NME7: variants seen among roughly 807,000 people sequenced by gnomAD.
The protein encoded by NME7 is nucleoside diphosphate kinase 7.
In NME7, 41 loss-of-function variants were observed where a neutral mutation model predicts 49.1. The observed-to-expected ratio is 0.83, with a 90% CI of 0.65 to 1.08. The LOEUF (loss-of-function observed/expected upper bound fraction) is 1.08. Ranked by LOEUF, NME7 falls within the 50% of genes least tolerant of loss-of-function variation. The probability of loss-of-function intolerance (pLI) is 0.00; values close to 1 mark genes in which losing one functional copy is unlikely to be tolerated. For synonymous variants in NME7, 139 were observed against 150.6 expected, an observed-to-expected ratio of 0.92 and a Z score of 0.56; for missense variants, 423 against 463.4, an observed-to-expected ratio of 0.91 and a Z score of 0.80.
At chr1:169,135,285 G>A (rs964309720) in intron 11 of NME7, among the ~76,000 whole-genome samples, 1 of 152,134 alleles carries the variant, frequency 6.6e-6, no homozygotes, top group Non-Finnish European at 1.5e-5. Flanking sequence ...AGAGGGAACT[G>A]CTCCAACTCC....
intron 9 of NME7, among the ~76,000 whole-genome samples, chr1:169,232,113 A>C (rs1434437794): frequency 1.3e-5 from 2 of 152,226 alleles, no homozygotes; most frequent in Non-Finnish European, 2.9e-5. Context: ...CTTGGTGAGG[A>C]GAAAATAAAA....
At chr1:169,254,367 T>G (rs979854579) in intron 7 of NME7, among the ~76,000 whole-genome samples, 2 of 152,054 alleles carry the variant, frequency 1.3e-5, no homozygotes, top group African/African-American at 4.8e-5. Context: ...GTTTGTAGTA[T>G]TCTCTGATGG....
intron 6 of NME7, among the ~76,000 whole-genome samples, chr1:169,297,365 C>G (rs1650752399): frequency 6.6e-6 from 1 of 152,142 alleles, no homozygotes; most frequent in Non-Finnish European, 1.5e-5. Flanking sequence ...TAAAATGGCT[C>G]TCTATTTTTT....
At chr1:169,139,966 T>G (rs1430451184) in intron 11 of NME7, among the ~76,000 whole-genome samples, 1 of 152,222 alleles carries the variant, frequency 6.6e-6, no homozygotes, top group Non-Finnish European at 1.5e-5. Context: ...AATGAAGGTC[T>G]GTACCTTGAT....
At chr1:169,354,713 C>T (rs1653316289) in intron 1 of NME7, among the ~76,000 whole-genome samples, 2 of 140,632 alleles carry the variant, frequency 1.4e-5, no homozygotes, top group South Asian at 2.1e-4. Flanking sequence ...TAAATGTATA[C>T]ATATATATAT....
At chr1:169,308,028 A>AG (rs1325430702) in intron 4 of NME7, among the ~76,000 whole-genome samples, 1 of 151,862 alleles carries the variant, frequency 6.6e-6, no homozygotes, top group Non-Finnish European at 1.5e-5. Flanking sequence ...TCAAAAAAAA[A>AG]AAAAAAAATC....
At chr1:169,320,214 AG>A (rs1651801558) in intron 3 of NME7, among the ~76,000 whole-genome samples, 3 of 152,228 alleles carry the variant, frequency 2.0e-5, no homozygotes, top group African/African-American at 7.2e-5. Flanking sequence ...TTAAAATCAA[AG>A]ACTGACTCAT....
intron 11 of NME7, among the ~76,000 whole-genome samples, chr1:169,154,484 T>C (rs1357525853): frequency 6.6e-6 from 1 of 152,018 alleles, no homozygotes; most frequent in Admixed American, 6.5e-5. Context: ...CTCAATATTA[T>C]AAAAAAATCT....
chr1:169,244,989 C>T (rs1394125053), intron 7 of NME7, among the ~76,000 whole-genome samples: 1 of 151,988 alleles, frequency 6.6e-6, no homozygotes, highest in Non-Finnish European at 1.5e-5. Flanking sequence ...ATTAGCCAGA[C>T]ATAGTGCCAC....
At chr1:169,162,726 C>A (rs1431541178) in intron 11 of NME7, among the ~76,000 whole-genome samples, 1 of 152,204 alleles carries the variant, frequency 6.6e-6, no homozygotes, top group Admixed American at 6.5e-5. Context: ...ATAGTCCTAG[C>A]CTCTCAGGAG....
At chr1:169,133,046 A>G (rs1658290494) in intron 11 of NME7, among the ~76,000 whole-genome samples, 1 of 152,202 alleles carries the variant, frequency 6.6e-6, no homozygotes, top group Admixed American at 6.5e-5. Context: ...TTTAGAAAAC[A>G]TGAAGTGTTG....
At chr1:169,134,718 A>G (rs1208333544) in intron 11 of NME7, among the ~76,000 whole-genome samples, 3 of 152,302 alleles carry the variant, frequency 2.0e-5, no homozygotes, top group South Asian at 2.1e-4. Flanking sequence ...TCAATTAAGA[A>G]TAGTTTAAAA....
intron 11 of NME7, among the ~76,000 whole-genome samples, chr1:169,166,304 T>C (rs1659411180): frequency 6.6e-6 from 1 of 152,114 alleles, no homozygotes; most frequent in Admixed American, 6.5e-5. Flanking sequence ...TTTTGGTTAT[T>C]AAAAAATAAA....
At chr1:169,349,538 AG>A (rs1468335566) in intron 1 of NME7, among the ~76,000 whole-genome samples, 1 of 152,234 alleles carries the variant, frequency 6.6e-6, no homozygotes, top group African/African-American at 2.4e-5. Flanking sequence ...ATTACATAAC[AG>A]TATCTTAAAC....
chr1:169,213,163 G>A (rs997600297), intron 10 of NME7, among the ~76,000 whole-genome samples: 26 of 152,050 alleles, frequency 1.7e-4, no homozygotes, highest in African/African-American at 5.6e-4. Context: ...CTAGATCAAC[G>A]ATATTTATTT....
chr1:169,250,855 AT>A (rs1648540657), intron 7 of NME7, among the ~76,000 whole-genome samples: 1 of 151,998 alleles, frequency 6.6e-6, no homozygotes, highest in African/African-American at 2.4e-5. Flanking sequence ...TAACATTTCG[AT>A]TTTTAAAAAT....
chr1:169,367,524 C>G (rs1653920538), intron 1 of NME7, among the ~76,000 whole-genome samples, 184 bp downstream of exon 1: 1 of 152,130 alleles, frequency 6.6e-6, no homozygotes, highest in Non-Finnish European at 1.5e-5. Context: ...TAGTGGAATT[C>G]AGGGTGCTGT....
intron 1 of NME7, among the ~76,000 whole-genome samples, chr1:169,356,006 G>A (rs1288958923): frequency 1.3e-5 from 2 of 152,104 alleles, no homozygotes; most frequent in Non-Finnish European, 2.9e-5. Context: ...TTCTCTAGAG[G>A]TGAACAGCCC....
chr1:169,237,924 A>T (rs12048188), intron 7 of NME7, among the ~76,000 whole-genome samples: 12,590 of 152,098 alleles, frequency 0.083, 710 homozygotes, highest in Admixed American at 0.19. Flanking sequence ...TATGCAAAAA[A>T]CTTTTAAGAT....
Sources: allele counts gnomAD v4.1 joint callset (sites outside exome capture counted in the v4.1 genomes callset), GRCh38; gene constraint gnomAD v4.1.1; transcripts MANE v1.5; gene names NCBI Gene and HGNC (gene_info 2026-07-23, HGNC 2026-07-21).